NRG3: variants seen among roughly 807,000 people sequenced by gnomAD.
The protein encoded by NRG3 is neuregulin 3, also known as pro-neuregulin-3, membrane-bound isoform.
NRG3 carries 31 observed loss-of-function variants against 66.9 expected under a neutral mutation model. That is an observed-to-expected ratio of 0.46 (90% confidence interval 0.35 to 0.63). NRG3 has a LOEUF of 0.63. Ranked by LOEUF, NRG3 falls within the 20% of genes least tolerant of loss-of-function variation. NRG3 has a pLI of 0.00. For synonymous variants in NRG3, 393 were observed against 359.4 expected, an observed-to-expected ratio of 1.09 and a Z score of -1.06; for missense variants, 910 against 878.9, an observed-to-expected ratio of 1.04 and a Z score of -0.45.
intron 2 of NRG3, among the ~76,000 whole-genome samples, chr10:82,671,167 C>T (rs17100471): frequency 0.039 from 5,995 of 152,302 alleles, 415 homozygotes; most frequent in African/African-American, 0.14. Context: ...ACCCATCATG[C>T]TTCAGCGTAC....
At chr10:81,909,762 T>A (rs1190672870) in intron 1 of NRG3, among the ~76,000 whole-genome samples, 3 of 152,172 alleles carry the variant, frequency 2.0e-5, no homozygotes, top group Admixed American at 6.5e-5. Context: ...CAAAGCACTT[T>A]CAGTTTTTAC....
At chr10:82,157,986 C>T (rs532456367) in intron 1 of NRG3, among the ~76,000 whole-genome samples, 2 of 151,692 alleles carry the variant, frequency 1.3e-5, no homozygotes, top group African/African-American at 4.8e-5. Context: ...TGATTAGCAT[C>T]GGGAGCCCTG....
At chr10:82,605,550 T>G (rs1257766815) in intron 2 of NRG3, among the ~76,000 whole-genome samples, 1 of 152,062 alleles carries the variant, frequency 6.6e-6, no homozygotes, top group Non-Finnish European at 1.5e-5. Context: ...TCATAATGTC[T>G]TTATTGTGTT....
intron 2 of NRG3, among the ~76,000 whole-genome samples, chr10:82,713,538 G>A (rs2255987): frequency 0.57 from 87,332 of 152,012 alleles, 26,980 homozygotes; most frequent in East Asian, 0.79. Flanking sequence ...CAAGGAAACT[G>A]AGGGTTTCCC....
chr10:82,417,278 G>A (rs1230910466), intron 2 of NRG3, among the ~76,000 whole-genome samples: 4 of 152,194 alleles, frequency 2.6e-5, no homozygotes, highest in Non-Finnish European at 5.9e-5. Flanking sequence ...AAGAGAGAGA[G>A]ACCTTGTGGA....
chr10:82,604,874 T>C (rs2047866145), intron 2 of NRG3, among the ~76,000 whole-genome samples: 1 of 152,120 alleles, frequency 6.6e-6, no homozygotes, highest in Non-Finnish European at 1.5e-5. Context: ...AAATCCCTAT[T>C]GTTTATTGCT....
chr10:82,284,478 G>T (rs2079301502), intron 1 of NRG3, among the ~76,000 whole-genome samples: 1 of 152,182 alleles, frequency 6.6e-6, no homozygotes, highest in South Asian at 2.1e-4. Context: ...CCTGCAGGGT[G>T]AGGAGTTTAT....
At chr10:82,178,008 A>G (rs2073160541) in intron 1 of NRG3, among the ~76,000 whole-genome samples, 1 of 152,128 alleles carries the variant, frequency 6.6e-6, no homozygotes, top group Non-Finnish European at 1.5e-5. Context: ...ATTATCGAAG[A>G]GCCCAAAGAG....
intron 1 of NRG3, among the ~76,000 whole-genome samples, chr10:82,166,322 T>C (rs1247562530): frequency 1.3e-5 from 2 of 152,200 alleles, no homozygotes; most frequent in Non-Finnish European, 2.9e-5. Flanking sequence ...TCCGGCCTGA[T>C]TGAATTTTTT....
intron 2 of NRG3, among the ~76,000 whole-genome samples, chr10:82,531,677 T>C: frequency 6.6e-6 from 1 of 151,846 alleles, no homozygotes. Flanking sequence ...GTTCTGTGAA[T>C]ACACACATAC....
intron 2 of NRG3, among the ~76,000 whole-genome samples, chr10:82,376,878 G>A (rs926616209): frequency 1.3e-5 from 2 of 152,110 alleles, no homozygotes; most frequent in African/African-American, 2.4e-5. Flanking sequence ...TATGCTAGGT[G>A]CTTCATTGCA....
At chr10:82,637,201 G>A (rs1407880156) in intron 2 of NRG3, among the ~76,000 whole-genome samples, 1 of 152,032 alleles carries the variant, frequency 6.6e-6, no homozygotes, top group African/African-American at 2.4e-5. Context: ...TTTTTTAAAT[G>A]ATGAGAATAT....
At chr10:81,893,894 A>C (rs1380712880) in intron 1 of NRG3, among the ~76,000 whole-genome samples, 1 of 152,172 alleles carries the variant, frequency 6.6e-6, no homozygotes, top group Non-Finnish European at 1.5e-5. Context: ...AGTATAATTT[A>C]GTAACAAAAG....
At chr10:82,247,584 T>G (rs1391518607) in intron 1 of NRG3, among the ~76,000 whole-genome samples, 1 of 152,166 alleles carries the variant, frequency 6.6e-6, no homozygotes, top group East Asian at 1.9e-4. Flanking sequence ...TCCAAGTTGC[T>G]TCATGATCCA....
At chr10:82,351,944 C>T (rs925981882) in intron 1 of NRG3, among the ~76,000 whole-genome samples, 1 of 152,204 alleles carries the variant, frequency 6.6e-6, no homozygotes, top group African/African-American at 2.4e-5. Flanking sequence ...ATTGTCTTCA[C>T]TTCTACATAG....
At chr10:82,431,170 T>C (rs908078918) in intron 2 of NRG3, among the ~76,000 whole-genome samples, 1 of 152,146 alleles carries the variant, frequency 6.6e-6, no homozygotes, top group Non-Finnish European at 1.5e-5. Flanking sequence ...ATAGGGCTTC[T>C]CAATGCTTGA....
At chr10:82,541,362 G>A (rs1565046775) in intron 2 of NRG3, among the ~76,000 whole-genome samples, 1 of 152,150 alleles carries the variant, frequency 6.6e-6, no homozygotes, top group Non-Finnish European at 1.5e-5. Context: ...GTTGTGGAAG[G>A]AAAGGCCTTT....
At chr10:82,034,283 C>T (rs2062696712) in intron 1 of NRG3, among the ~76,000 whole-genome samples, 1 of 151,988 alleles carries the variant, frequency 6.6e-6, no homozygotes, top group African/African-American at 2.4e-5. Context: ...GATATGTTTA[C>T]ACAAAATTGT....
At chr10:82,558,911 G>T (rs1250793622) in intron 2 of NRG3, among the ~76,000 whole-genome samples, 13 of 151,614 alleles carry the variant, frequency 8.6e-5, no homozygotes, top group Admixed American at 7.2e-4. Context: ...TCTATTTTTT[G>T]ATTATTTAAA....
Sources: gnomAD v4.1 joint callset for allele counts (sites outside exome capture counted in the v4.1 genomes callset) on GRCh38, gnomAD v4.1.1 for gene constraint, MANE v1.5 for transcripts, NCBI Gene and HGNC (gene_info 2026-07-23, HGNC 2026-07-21) for gene names.